The following BRAF variants were observed in gnomAD, a reference collection of about 807,000 sequenced individuals.
The protein encoded by BRAF is B-Raf proto-oncogene, serine/threonine kinase.
BRAF carries 16 observed loss-of-function variants against 104.6 expected under a neutral mutation model. That is an observed-to-expected ratio of 0.15 (90% CI 0.10 to 0.23). BRAF has a LOEUF of 0.23. Among genes scored for constraint, BRAF ranks in the 10% least tolerant of loss-of-function variants. The pLI is 1.00. For missense variants in BRAF, 541 were observed against 937.3 expected, an observed-to-expected ratio of 0.58 and a Z score of 5.52; for synonymous variants, 310 against 341.6, an observed-to-expected ratio of 0.91 and a Z score of 1.02.
chr7:140,778,737 CA>C (rs56980449), intron 12 of BRAF, among the ~76,000 whole-genome samples: 16,712 of 140,730 alleles, frequency 0.12, 1,101 homozygotes, highest in South Asian at 0.2. Flanking sequence ...TTAAAATCAT[CA>C]AAAAAAAAAA....
chr7:140,856,317 G>A (rs960530924), intron 1 of BRAF, among the ~76,000 whole-genome samples: 1 of 151,932 alleles, frequency 6.6e-6, no homozygotes, highest in Non-Finnish European at 1.5e-5. Context: ...TCAAGAAAAT[G>A]GTTGAAAGAA....
At chr7:140,779,239 T>C (rs551434545) in intron 12 of BRAF, among the ~76,000 whole-genome samples, 1 of 152,234 alleles carries the variant, frequency 6.6e-6, no homozygotes, top group African/African-American at 2.4e-5. Context: ...TTCTGTTTAT[T>C]TAATTTTTTT....
chr7:140,841,056 T>C (rs952977274), intron 2 of BRAF, among the ~76,000 whole-genome samples: 2 of 151,898 alleles, frequency 1.3e-5, no homozygotes, highest in Non-Finnish European at 2.9e-5. Flanking sequence ...ACAAACCCAG[T>C]TTTTTTAAGT....
At chr7:140,900,672 A>C (rs1259656860) in intron 1 of BRAF, among the ~76,000 whole-genome samples, 1 of 152,188 alleles carries the variant, frequency 6.6e-6, no homozygotes, top group East Asian at 1.9e-4. Flanking sequence ...ATGCAATGGC[A>C]CAATCTCAGC....
At chr7:140,875,183 C>T (rs1243612343) in intron 1 of BRAF, among the ~76,000 whole-genome samples, 1 of 152,102 alleles carries the variant, frequency 6.6e-6, no homozygotes, top group African/African-American at 2.4e-5. Flanking sequence ...GATCTAACAT[C>T]TGTGTCAGTG....
At chr7:140,870,795 T>G (rs1325755121) in intron 1 of BRAF, among the ~76,000 whole-genome samples, 1 of 152,036 alleles carries the variant, frequency 6.6e-6, no homozygotes, top group Non-Finnish European at 1.5e-5. Context: ...CTGGCTCACT[T>G]TTCTTCAAGA....
At chr7:140,806,049 C>T (rs1432021665) in intron 5 of BRAF, among the ~76,000 whole-genome samples, 1 of 152,148 alleles carries the variant, frequency 6.6e-6, no homozygotes, top group Non-Finnish European at 1.5e-5. Flanking sequence ...GCTTATTCTA[C>T]CCACAACTCT....
At chr7:140,882,436 C>A (rs568556646) in intron 1 of BRAF, among the ~76,000 whole-genome samples, 3 of 145,484 alleles carry the variant, frequency 2.1e-5, no homozygotes, top group African/African-American at 7.8e-5. Context: ...AGGGCAGAGG[C>A]ACGATCTCGG....
intron 1 of BRAF, among the ~76,000 whole-genome samples, chr7:140,852,203 C>T (rs1383475426): frequency 6.6e-6 from 1 of 151,674 alleles, no homozygotes; most frequent in Non-Finnish European, 1.5e-5. Flanking sequence ...ACCCCATCTC[C>T]ATAAAAAATA....
intron 8 of BRAF, among the ~76,000 whole-genome samples, chr7:140,791,938 T>C (rs539680068): frequency 2.6e-5 from 4 of 152,294 alleles, no homozygotes; most frequent in South Asian, 2.1e-4. Context: ...GTAATCTGGG[T>C]ATGTTTCTTA....
At chr7:140,901,648 C>A (rs116998050) in intron 1 of BRAF, among the ~76,000 whole-genome samples, 44 of 152,240 alleles carry the variant, frequency 2.9e-4, no homozygotes, top group East Asian at 2.1e-3. Context: ...GGGTATGTAC[C>A]ATTTATTTAG....
intron 3 of BRAF, among the ~76,000 whole-genome samples, chr7:140,815,239 G>A (rs10252436): frequency 6.6e-6 from 1 of 151,334 alleles, no homozygotes; most frequent in Non-Finnish European, 1.5e-5. Context: ...CCGGGCTCAC[G>A]CCATTCTCCT....
chr7:140,715,479 G>GT (rs1332681789), downstream of BRAF, among the ~76,000 whole-genome samples: 1 of 152,066 alleles, frequency 6.6e-6, no homozygotes, highest in East Asian at 1.9e-4. Context: ...ATCAATAAAA[G>GT]TTTTTTTGGA....
intron 19 of BRAF, chr7:140,731,147 C>T (rs1304394246): frequency 6.6e-6 from 1 of 152,244 alleles, no homozygotes; most frequent in Non-Finnish European, 1.5e-5. Flanking sequence ...TCCCGAGTGG[C>T]TGGGGCTACA....
rs537935109 is a variant in BRAF, at chr7:140,807,374, A to T, written c.711+586T>A. 1.1e-4 allele frequency among the ~76,000 whole-genome samples: 16 copies of T among 152,314 alleles called. No individual in the cohort carries two copies. The South Asian group carries it at 1.4e-3, about 14-fold the overall frequency. On this transcript the variant is annotated intron_variant, in intron 5 of 19. Transcript: ENST00000644969. ...TGTCTATCAATAGAGAAATGGTTAA[A>T]TATAATGAATTCCTATTCTTACGAA... is the stretch of plus-strand genomic sequence containing the variant.
intron 17 of BRAF, among the ~76,000 whole-genome samples, chr7:140,744,396 T>C (rs977026701): frequency 1.3e-5 from 2 of 152,276 alleles, no homozygotes; most frequent in African/African-American, 4.8e-5. Flanking sequence ...AGAACGCTTC[T>C]GAATTCTGTC....
chr7:140,814,756 C>CTT (rs1804652766), intron 3 of BRAF, among the ~76,000 whole-genome samples: 1 of 138,492 alleles, frequency 7.2e-6, no homozygotes, highest in African/African-American at 2.8e-5. Flanking sequence ...CAATATATAA[C>CTT]ATATATATTA....
chr7:140,880,688 T>C (rs941635359), intron 1 of BRAF, among the ~76,000 whole-genome samples: 2 of 152,104 alleles, frequency 1.3e-5, no homozygotes, highest in African/African-American at 2.4e-5. Context: ...CCTTGATCCA[T>C]GGGCTGCAGA....
Position 140,720,398 on chromosome 7 carries a change from T to G in BRAF, c.*6096A>C, listed in dbSNP as rs538906657. 47 of 1,062,146 alleles carry G rather than the reference T, an allele frequency of 4.4e-5. 1 individual carries two copies. In the Admixed American group the frequency reaches 2.0e-3, roughly 45 times the overall value. 65.8% of individuals were successfully genotyped at this position (1,062,146 alleles called of 1,614,324 possible). A position where few individuals can be genotyped will look rare whatever the true frequency, so the allele number is the denominator to read the frequency against. ...GAGACATACACCCCTGTATGTAAAC[T>G]AACATAACATGAAGATAAATAAGAC... is the stretch of plus-strand genomic sequence containing the variant. On this transcript the variant is annotated 3_prime_UTR_variant, in exon 20 of 20. Transcript: ENST00000644969.
Sources: gnomAD v4.1 joint callset for allele counts (sites outside exome capture counted in the v4.1 genomes callset) on GRCh38, gnomAD v4.1.1 for gene constraint, MANE v1.5 for transcripts, NCBI Gene and HGNC (gene_info 2026-07-23, HGNC 2026-07-21) for gene names.